The following RCN2 variants were observed in gnomAD, a reference collection of about 807,000 sequenced individuals.
RCN2 encodes reticulocalbin-2.
In RCN2, 23 loss-of-function variants were observed where a neutral mutation model predicts 37.5. The ratio of observed to expected loss-of-function variants is 0.61; its 90% CI spans 0.44 to 0.87. RCN2 has a LOEUF of 0.87. RCN2 is among the 40% of genes least tolerant of loss of function. The pLI is 0.00. For missense variants in RCN2, 381 were observed against 390.4 expected (o/e 0.98, Z 0.20); for synonymous variants, 140 against 144.6 (o/e 0.97, Z 0.23).
rs565381427 is a variant in RCN2, at chr15:76,936,278, G to T, written c.447+556G>T. Among the ~76,000 whole-genome samples, 3 of 151,782 alleles carry T rather than the reference G, an allele frequency of 2.0e-5. No individual in the cohort carries two copies. The East Asian group carries it at 5.8e-4, about 29-fold the overall frequency. ...CAATGATTTATTTCTCATTTAAGTT[G>T]TAATTTATATTATAAGTAATCTAGA... On this transcript the variant is annotated intron_variant, in intron 3 of 6. Coordinates refer to ENST00000394885, the MANE Select transcript of RCN2 (RefSeq NM_002902.3).
At chr15:76,940,283 A>G (rs2075271401) in intron 3 of RCN2, among the ~76,000 whole-genome samples, 1 of 151,752 alleles carries the variant, frequency 6.6e-6, no homozygotes, top group African/African-American at 2.4e-5. Flanking sequence ...TGGACAACAT[A>G]GTGAAACCTT....
chr15:76,943,690 CAT>C (rs2152651108), intron 3 of RCN2, 66 bp from the exon 4 acceptor site: 1 of 834,498 alleles, frequency 1.2e-6, no homozygotes, highest in South Asian at 1.6e-5. Flanking sequence ...TTAAATTTCA[CAT>C]AGTTTGTATT....
chr15:76,935,509 C>A lies in RCN2; in HGVS notation c.251-17C>A, dbSNP rs753865911. ...GAATTAACGTCACATGCGTTGTGTT[C>A]TGGGAAATTCTCATAGGTGAACTCA... On this transcript the variant is annotated splice_polypyrimidine_tract_variant and intron_variant, in intron 2 of 6. Transcript: ENST00000394885. 6.3e-7 allele frequency: 1 copy of A among 1,594,290 alleles called. No individual in the cohort carries two copies. Among genetic ancestry groups the A allele is most frequent in the South Asian group, 1.1e-5 (1 of 89,772 alleles).
In RCN2 at chr15:76,932,452, G is replaced by A. The variant is rs1335648873; in HGVS notation, c.236G>A (p.Gly79Asp). Residue 79 changes from glycine (G) to aspartate (D), a missense_variant, in exon 2 of 7, where the codon GGC becomes GAC. By Grantham distance (94) the Gly-to-Asp change is moderately conservative. Coordinates refer to ENST00000394885, the MANE Select transcript of RCN2 (RefSeq NM_002902.3). Reference sequence around the variant, plus strand: ...AAGAAAATCGACTTGGACTCAGATGGCTTTCTCACTGAAAGTAAGGACTGC... The same window carrying A: ...AAGAAAATCGACTTGGACTCAGATGACTTTCTCACTGAAAGTAAGGACTGC... ...IIKKIDLDSD[G>D]FLTESELSSW... 1.9e-6 allele frequency: 3 copies of A among 1,607,186 alleles called. No homozygotes were observed. The highest frequency in any genetic ancestry group is 1.7e-6 in the Non-Finnish European group (2 of 1,176,092).
chr15:76,939,701 G>C (rs1296752700), intron 3 of RCN2, among the ~76,000 whole-genome samples: 1 of 152,168 alleles, frequency 6.6e-6, no homozygotes, highest in East Asian at 1.9e-4. Flanking sequence ...ATGGTGTGGT[G>C]TGGTTTCCCT....
In RCN2 at chr15:76,935,185, G is replaced by A. The variant is rs1224940496; in HGVS notation, c.251-341G>A. ...TAAAAATACAAAAAATTAGCCGGGTGTGGTGGCACATGCCTGTAGTTCCAA... is the reference window on the plus strand; with the variant it reads ...TAAAAATACAAAAAATTAGCCGGGTATGGTGGCACATGCCTGTAGTTCCAA... On this transcript the variant is annotated intron_variant, in intron 2 of 6. Coordinates refer to ENST00000394885, the MANE Select transcript of RCN2 (RefSeq NM_002902.3). 2.6e-5 allele frequency among the ~76,000 whole-genome samples: 4 copies of A among 152,144 alleles called. No homozygotes were observed. In the South Asian group the frequency reaches 8.3e-4, roughly 31 times the overall value.
intron 1 of RCN2, 87 bp from the exon 2 acceptor site, chr15:76,932,274 G>A (rs2075227166): frequency 2.9e-6 from 3 of 1,051,606 alleles, no homozygotes; most frequent in African/African-American, 1.6e-5. Flanking sequence ...TTTGGCAAGG[G>A]GGTCTTCTAG....
At position 76,931,918 on chromosome 15, in the gene RCN2, A is replaced by G; in HGVS notation, c.77A>G (p.Glu26Gly). 2 of 1,329,330 alleles carry G rather than the reference A, an allele frequency of 1.5e-6. No individual in the cohort carries two copies. Among genetic ancestry groups the G allele is most frequent in the Non-Finnish European group, 9.6e-7 (1 of 1,038,806 alleles). 82.3% of individuals were successfully genotyped at this position (1,329,330 alleles called of 1,614,324 possible). A position where few individuals can be genotyped will look rare whatever the true frequency, so the allele number is the denominator to read the frequency against. ...GCCGCGGCCGGCGCCGGCAAGGCCG[A>G]GGAGCTGCACTACCCGCTGGGCGAG... is the stretch of plus-strand genomic sequence containing the variant. The part of the protein sequence containing the change: ...CAAAAGAGKA[E>G]ELHYPLGERR... Residue 26 changes from glutamate (E) to glycine (G), a missense_variant, in exon 1 of 7, where the codon GAG becomes GGG. Transcript: ENST00000394885.
rs564825774 is a variant in RCN2 at position 76,941,326 on chromosome 15, G to C, written c.448-2432G>C. Reference sequence around the variant, plus strand: ...ACAGGCGTGACTGCTGAATGTGCATGTATAAGCAGTATTTATTTATGTAAG... The same window carrying C: ...ACAGGCGTGACTGCTGAATGTGCATCTATAAGCAGTATTTATTTATGTAAG... On this transcript the variant is annotated intron_variant, in intron 3 of 6. Transcript: ENST00000394885. The C allele has an allele frequency of 6.0e-5, 11 of 184,112 alleles. No homozygotes were observed. In the East Asian group the frequency reaches 9.2e-4, roughly 15 times the overall value. The allele number at this position is 184,112 out of a possible 1,614,324, so 11.4% of individuals were successfully genotyped here.
intron 4 of RCN2, among the ~76,000 whole-genome samples, chr15:76,946,330 C>G (rs1055222962): frequency 3.9e-5 from 6 of 152,060 alleles, no homozygotes; most frequent in Admixed American, 3.9e-4. Flanking sequence ...CACCTGTGGT[C>G]CTAGCTACTT....
In RCN2 at chr15:76,932,459, C is replaced by T; in HGVS notation, c.243C>T (p.Leu81=). The change falls in exon 2 of 7, where the codon CTC becomes CTT. Residue 81 remains leucine (L), a synonymous_variant. Coordinates refer to ENST00000394885, the MANE Select transcript of RCN2 (RefSeq NM_002902.3). Reference sequence around the variant, plus strand: ...TCGACTTGGACTCAGATGGCTTTCTCACTGAAAGTAAGGACTGCCCTACAC... The same window carrying T: ...TCGACTTGGACTCAGATGGCTTTCTTACTGAAAGTAAGGACTGCCCTACAC... ...KKIDLDSDGF[L]TESELSSWIQ... is the part of the protein sequence containing the mutation. 3 of 1,606,602 alleles carry T rather than the reference C, an allele frequency of 1.9e-6. No homozygotes were observed. Among genetic ancestry groups the T allele is most frequent in the Non-Finnish European group, 2.6e-6 (3 of 1,173,356 alleles).
chr15:76,935,310 G>A (rs2075242268), intron 2 of RCN2, among the ~76,000 whole-genome samples: 1 of 152,192 alleles, frequency 6.6e-6, no homozygotes, highest in Admixed American at 6.5e-5. Flanking sequence ...GGGTGAAAGA[G>A]CGAGACTCCA....
intron 3 of RCN2, among the ~76,000 whole-genome samples, chr15:76,939,493 CTTTTG>C (rs1415803936): frequency 6.6e-6 from 1 of 151,970 alleles, no homozygotes; most frequent in Non-Finnish European, 1.5e-5. Flanking sequence ...GAAAATGTAT[CTTTTG>C]TTTTCTTTTT....
At chr15:76,935,896 G>A (rs1160398546) in intron 3 of RCN2, among the ~76,000 whole-genome samples, 174 bp downstream of exon 3, 1 of 152,082 alleles carries the variant, frequency 6.6e-6, no homozygotes, top group East Asian at 1.9e-4. Flanking sequence ...CCAGATTTAG[G>A]ACTCTTATTC....
At position 76,952,431 on chromosome 15, in the gene RCN2, A is replaced by C. The variant is rs1431580994; in HGVS notation, c.*3209A>C. On this transcript the variant is annotated 3_prime_UTR_variant, in exon 7 of 7. Transcript: ENST00000394885. ...GTTCATAATTTTTTAGATTGTAGTA[A>C]AATACACATAACAAAATTCATCTTA... 6.6e-6 allele frequency: 1 copy of C among 152,208 alleles called. No individual in the cohort carries two copies. Among genetic ancestry groups the C allele is most frequent in the Non-Finnish European group, 1.5e-5 (1 of 68,040 alleles). The allele number at this position is 152,208 out of a possible 1,614,324, so 9.4% of individuals were successfully genotyped here.
chr15:76,935,753 G>A, intron 3 of RCN2, 31 bp downstream of exon 3: 1 of 1,549,418 alleles, frequency 6.5e-7, no homozygotes, highest in Admixed American at 1.8e-5. Flanking sequence ...TGTTTCTTTT[G>A]ATCATGTCAG....
intron 3 of RCN2, among the ~76,000 whole-genome samples, chr15:76,937,765 G>T (rs1337748223): frequency 6.6e-6 from 1 of 152,060 alleles, no homozygotes; most frequent in Non-Finnish European, 1.5e-5. Context: ...GTGTCTCATG[G>T]TTTAATTTGT....
intron 3 of RCN2, chr15:76,938,644 T>G (rs1328281362): frequency 2.3e-6 from 1 of 431,982 alleles, no homozygotes; most frequent in East Asian, 7.3e-5. Context: ...AGTGTGCTAT[T>G]TATTTAGAAT....
chr15:76,949,081 A>C lies in RCN2; in HGVS notation c.813A>C (p.Leu271=). 6.3e-7 allele frequency: 1 copy of C among 1,597,418 alleles called. No individual in the cohort carries two copies. Among genetic ancestry groups the C allele is most frequent in the South Asian group, 1.1e-5 (1 of 87,476 alleles). The stretch of plus-strand genomic sequence containing the variant: ...GTTTTATTTTGAAGGCGCTTCATCT[A>C]ATTGATGAAATGGATTTGAATGGTG... ...QGIAQEEALH[L]IDEMDLNGDK... is the part of the protein sequence containing the mutation. The change falls in exon 7 of 7, where the codon CTA becomes CTC. Residue 271 remains leucine, a synonymous_variant. Coordinates refer to ENST00000394885, the MANE Select transcript of RCN2 (RefSeq NM_002902.3).
Sources: allele counts gnomAD v4.1 joint callset (sites outside exome capture counted in the v4.1 genomes callset), GRCh38; gene constraint gnomAD v4.1.1; transcripts MANE v1.5; gene names NCBI Gene and HGNC (gene_info 2026-07-23, HGNC 2026-07-21).